TRANK1: variants seen among roughly 807,000 people sequenced by gnomAD.
TRANK1 encodes tetratricopeptide repeat and ankyrin repeat containing 1.
TRANK1 carries 198 observed loss-of-function variants against 266.0 expected under a neutral mutation model. The ratio of observed to expected loss-of-function variants is 0.74; its 90% CI spans 0.66 to 0.84. The LOEUF is 0.84. Ranked by LOEUF, TRANK1 falls within the 40% of genes least tolerant of loss-of-function variation. The pLI is 0.00. For synonymous variants in TRANK1, 1,396 were observed against 1,384.1 expected (o/e 1.01, Z -0.19); for missense variants, 3,326 against 3,634.6 (o/e 0.92, Z 2.18).
chr3:36,881,658 G>A (rs2079533471), intron 8 of TRANK1, among the ~76,000 whole-genome samples: 2 of 152,116 alleles, frequency 1.3e-5, no homozygotes. Flanking sequence ...ATTAGTTTTA[G>A]TATATTTATG....
chr3:36,872,818 A>T (rs1190361991), intron 9 of TRANK1, among the ~76,000 whole-genome samples: 1 of 152,186 alleles, frequency 6.6e-6, no homozygotes, highest in East Asian at 1.9e-4. Context: ...CTGAGCTAAG[A>T]AAACAGAATG....
chr3:36,845,622 A>G (rs2078904135), intron 17 of TRANK1, among the ~76,000 whole-genome samples: 1 of 152,240 alleles, frequency 6.6e-6, no homozygotes, highest in African/African-American at 2.4e-5. Context: ...AAATTATATC[A>G]TTCTACCCAT....
intron 13 of TRANK1, among the ~76,000 whole-genome samples, chr3:36,852,797 A>C (rs1055085280): frequency 1.0e-4 from 14 of 137,924 alleles, no homozygotes; most frequent in African/African-American, 3.4e-4. Flanking sequence ...AAAAAAAAAA[A>C]AACAATGAGA....
At chr3:36,922,581 G>C (rs111607824) in intron 1 of TRANK1, among the ~76,000 whole-genome samples, 3 of 152,046 alleles carry the variant, frequency 2.0e-5, no homozygotes, top group African/African-American at 7.2e-5. Context: ...CTGTAGCCTG[G>C]GTGAAAAAGT....
chr3:36,830,163 A>G (rs1235083306), intron 22 of TRANK1, among the ~76,000 whole-genome samples: 2 of 152,088 alleles, frequency 1.3e-5, no homozygotes, highest in African/African-American at 2.4e-5. Flanking sequence ...AAAAATACAA[A>G]AATTAGCTGT....
chr3:36,837,313 T>C (rs2078783622), intron 20 of TRANK1, among the ~76,000 whole-genome samples: 1 of 152,126 alleles, frequency 6.6e-6, no homozygotes, highest in African/African-American at 2.4e-5. Context: ...TCACATCCCA[T>C]AATAAACATG....
At chr3:36,944,664 G>T in intron 1 of TRANK1, 123 bp downstream of exon 1, 1 of 1,188,790 alleles carries the variant, frequency 8.4e-7, no homozygotes, top group Non-Finnish European at 1.2e-6. Flanking sequence ...AGGGATGGCC[G>T]GGCGGGCCCG....
intron 9 of TRANK1, among the ~76,000 whole-genome samples, chr3:36,867,759 A>G (rs1247010392): frequency 6.6e-6 from 1 of 152,260 alleles, no homozygotes; most frequent in African/African-American, 2.4e-5. Flanking sequence ...ATAAAACTAT[A>G]CTTTTACAAA....
In TRANK1 at chr3:36,857,073, T is replaced by C; in HGVS notation, c.2649A>G (p.Lys883=). The change falls in exon 13 of 24, where the codon AAA becomes AAG. Residue 883 remains lysine, a synonymous_variant. Coordinates refer to ENST00000645898, the MANE Select transcript of TRANK1 (RefSeq NM_001329998.2). The surrounding 1 kb of genome is among the most constrained non-coding windows in gnomAD (Gnocchi z 4.3). ...QGLQKRLKHL[K]GSIQLFEAKL... ...TAGCTTCGAAGAGCTGGATGCTTCC[T>C]TTCAGGTGCTTCAGTCGCTTCTGCA... The C allele has an allele frequency of 6.2e-7, 1 of 1,614,056 alleles. No individual in the cohort carries two copies. The highest frequency in any genetic ancestry group is 8.5e-7 in the Non-Finnish European group (1 of 1,179,880).
At position 36,891,992 on chromosome 3, in the gene TRANK1, C is replaced by T. The variant is rs1014331105; in HGVS notation, c.775+210G>A. On this transcript the variant is annotated intron_variant, in intron 7 of 23. Coordinates refer to ENST00000645898, the MANE Select transcript of TRANK1 (RefSeq NM_001329998.2). ...CTGCCTAGAGTCACAGAATCCTTTCCGTTTGGACCTCCTGCAGCTACTAGG... is the reference window on the plus strand; with the variant it reads ...CTGCCTAGAGTCACAGAATCCTTTCTGTTTGGACCTCCTGCAGCTACTAGG... 8.5e-5 allele frequency among the ~76,000 whole-genome samples: 13 copies of T among 152,294 alleles called. No homozygotes were observed. In the Middle Eastern group the frequency reaches 0.01, roughly 120 times the overall value.
In TRANK1 at chr3:36,846,195, T is replaced by C. The variant is rs563377753; in HGVS notation, c.5191+53A>G. The C allele has an allele frequency of 3.3e-5, 49 of 1,490,336 alleles. No homozygotes were observed. In the South Asian group the frequency reaches 6.2e-4, roughly 19 times the overall value. The allele number at this position is 1,490,336 out of a possible 1,614,324, so 92.3% of individuals were successfully genotyped here. On this transcript the variant is annotated intron_variant, in intron 17 of 23. Transcript: ENST00000645898. Reference sequence around the variant, plus strand: ...CTTTTATTCCTGACCATAAGAACAGTTGAGAGAAACACGATTCCTCCATCA... The same window carrying C: ...CTTTTATTCCTGACCATAAGAACAGCTGAGAGAAACACGATTCCTCCATCA...
chr3:36,933,472 C>T (rs993912329), intron 1 of TRANK1, among the ~76,000 whole-genome samples: 1 of 152,210 alleles, frequency 6.6e-6, no homozygotes, highest in Admixed American at 6.5e-5. Context: ...AGCAAGGAAC[C>T]CAAAGCTCAG....
intron 8 of TRANK1, among the ~76,000 whole-genome samples, chr3:36,877,522 C>A (rs1272783136): frequency 1.3e-5 from 2 of 152,130 alleles, no homozygotes; most frequent in Non-Finnish European, 2.9e-5. Context: ...GGTCTCCAAG[C>A]CTTGTTTTCA....
rs544963425 is a variant in TRANK1 at position 36,904,705 on chromosome 3, A to G, written c.156-1430T>C. Reference sequence around the variant, plus strand: ...TCTTTCATGGCCCAACATTCCCTCTAGGTGAAGGGATGAGGCCCCAGAAGC... The same window carrying G: ...TCTTTCATGGCCCAACATTCCCTCTGGGTGAAGGGATGAGGCCCCAGAAGC... On this transcript the variant is annotated intron_variant, in intron 2 of 23. Coordinates refer to ENST00000645898, the MANE Select transcript of TRANK1 (RefSeq NM_001329998.2). Among the ~76,000 whole-genome samples, 334 of 152,074 alleles carry G rather than the reference A, an allele frequency of 2.2e-3. 2 individuals carry two copies. Among genetic ancestry groups the G allele is most frequent in the Middle Eastern group, 0.01 (3 of 294 alleles).
At chr3:36,870,962 TAAAAA>T (rs563787088) in intron 9 of TRANK1, among the ~76,000 whole-genome samples, 1 of 65,094 alleles carries the variant, frequency 1.5e-5, no homozygotes, top group Non-Finnish European at 2.9e-5. Context: ...ACAAGGAAAC[TAAAAA>T]AAAAAAAAAA....
chr3:36,902,663 C>T (rs2079900544), intron 3 of TRANK1, among the ~76,000 whole-genome samples: 1 of 152,216 alleles, frequency 6.6e-6, no homozygotes, highest in Admixed American at 6.5e-5. Context: ...CTGGTTTCTA[C>T]TATAAGAAAT....
At chr3:36,880,750 A>ATTG (rs2079518766) in intron 8 of TRANK1, 1 of 151,282 alleles carries the variant, frequency 6.6e-6, no homozygotes, top group Admixed American at 6.6e-5. Flanking sequence ...TATTATTATT[A>ATTG]TTATTATACT....
chr3:36,930,917 T>C (rs112132895), intron 1 of TRANK1, among the ~76,000 whole-genome samples: 4,742 of 152,278 alleles, frequency 0.031, 109 homozygotes, highest in Middle Eastern at 0.044. Context: ...AAATCTGTGC[T>C]GTTTATTACA....
intron 1 of TRANK1, among the ~76,000 whole-genome samples, chr3:36,912,098 G>A (rs570850732): frequency 5.3e-5 from 8 of 152,132 alleles, no homozygotes; most frequent in South Asian, 4.1e-4. Context: ...GCTGAGGCAC[G>A]AGAATCACTT....
Sources: allele counts gnomAD v4.1 joint callset (sites outside exome capture counted in the v4.1 genomes callset), GRCh38; gene constraint gnomAD v4.1.1; non-coding constraint Gnocchi (gnomAD v3.1); transcripts MANE v1.5; gene names NCBI Gene and HGNC (gene_info 2026-07-23, HGNC 2026-07-21).